FARS2: variants seen among roughly 807,000 people sequenced by gnomAD.
The protein encoded by FARS2 is phenylalanyl-tRNA synthetase 2, mitochondrial, also known as phenylalanine--tRNA ligase, mitochondrial.
FARS2 carries 40 observed loss-of-function variants against 46.4 expected under a neutral mutation model. That is an observed-to-expected ratio of 0.86 (90% CI 0.67 to 1.12). The LOEUF is 1.12. Ranked by LOEUF, FARS2 falls within the 50% of genes most tolerant of loss-of-function variation. The probability of loss-of-function intolerance (pLI) is 0.00; values close to 1 mark genes in which losing one functional copy is unlikely to be tolerated. For synonymous variants in FARS2, 234 were observed against 214.9 expected, an observed-to-expected ratio of 1.09 and a Z score of -0.78; for missense variants, 513 against 567.9, an observed-to-expected ratio of 0.90 and a Z score of 0.98.
chr6:5,268,851 C>T (rs557020137), intron 1 of FARS2, among the ~76,000 whole-genome samples: 100 of 152,184 alleles, frequency 6.6e-4, no homozygotes, highest in African/African-American at 2.3e-3. Flanking sequence ...AATGTTCTTC[C>T]ATTTGTTTGT....
intron 6 of FARS2, among the ~76,000 whole-genome samples, chr6:5,689,639 T>C (rs896271892): frequency 2.6e-5 from 4 of 152,050 alleles, no homozygotes; most frequent in Non-Finnish European, 1.5e-5. Context: ...AATTTTGGAA[T>C]AGGTGTGGTG....
intron 4 of FARS2, among the ~76,000 whole-genome samples, chr6:5,495,340 ATTGT>A (rs1400827867): frequency 3.9e-5 from 6 of 152,024 alleles, no homozygotes; most frequent in Non-Finnish European, 8.8e-5. Context: ...CTCAAACTTT[ATTGT>A]TTTTCTCTGT....
intron 4 of FARS2, among the ~76,000 whole-genome samples, chr6:5,495,685 T>C (rs1767418827): frequency 6.6e-6 from 1 of 152,240 alleles, no homozygotes; most frequent in African/African-American, 2.4e-5. Flanking sequence ...TATCCAAAAT[T>C]AAACCAGTAA....
chr6:5,648,386 C>T (rs1777180875), intron 6 of FARS2, among the ~76,000 whole-genome samples: 2 of 152,164 alleles, frequency 1.3e-5, no homozygotes, highest in South Asian at 4.1e-4. Context: ...CGTCTGTGAC[C>T]CCATCAACTC....
chr6:5,497,791 A>T (rs1035152829), intron 4 of FARS2, among the ~76,000 whole-genome samples: 4 of 152,214 alleles, frequency 2.6e-5, no homozygotes, highest in African/African-American at 9.6e-5. Context: ...GTTTATTTTT[A>T]AAATGTAATC....
rs568260733 is a variant in FARS2 at position 5,414,562 on chromosome 6, A to C, written c.772+9861A>C. Among the ~76,000 whole-genome samples, 8 of 152,306 alleles carry C rather than the reference A, an allele frequency of 5.3e-5. No individual in the cohort carries two copies. In the East Asian group the frequency reaches 1.5e-3, roughly 29 times the overall value. On this transcript the variant is annotated intron_variant, in intron 3 of 6. Transcript: ENST00000274680. The stretch of plus-strand genomic sequence containing the variant: ...ACTCAGCATAATTATTTTGAGATTC[A>C]TGCATTTTGTAGCGTGTTATCAATA...
intron 5 of FARS2, among the ~76,000 whole-genome samples, chr6:5,582,611 G>T (rs570761356): frequency 6.6e-6 from 1 of 152,292 alleles, no homozygotes; most frequent in Admixed American, 6.5e-5. Flanking sequence ...AAAATTTCAT[G>T]TAGTTCATGC....
chr6:5,531,060 A>G (rs1769796197), intron 4 of FARS2, among the ~76,000 whole-genome samples: 1 of 152,104 alleles, frequency 6.6e-6, no homozygotes, highest in Non-Finnish European at 1.5e-5. Context: ...TTCTTGAGTG[A>G]TAGCATCTGA....
At chr6:5,629,110 A>C (rs1776171837) in intron 6 of FARS2, among the ~76,000 whole-genome samples, 1 of 152,218 alleles carries the variant, frequency 6.6e-6, no homozygotes, top group Non-Finnish European at 1.5e-5. Context: ...CAGGGATCAC[A>C]GGATGTCCCA....
At chr6:5,259,309 T>C (rs757961500), upstream of FARS2, among the ~76,000 whole-genome samples, 5 of 152,214 alleles carry the variant, frequency 3.3e-5, no homozygotes, top group Non-Finnish European at 7.3e-5. Context: ...CTTGGTTAAG[T>C]ACTTGGTGCT....
intron 6 of FARS2, among the ~76,000 whole-genome samples, chr6:5,762,756 A>G (rs756511582): frequency 1.9e-4 from 29 of 152,272 alleles, no homozygotes; most frequent in Non-Finnish European, 2.9e-4. Context: ...GTCTTTCCCA[A>G]GGCAGTAACT....
chr6:5,477,014 A>ACTACTTTT, intron 4 of FARS2, among the ~76,000 whole-genome samples: 1 of 152,170 alleles, frequency 6.6e-6, no homozygotes, highest in Non-Finnish European at 1.5e-5. Flanking sequence ...ATCAGAAGAA[A>ACTACTTTT]ATATCCCTCT....
chr6:5,502,542 A>T (rs113102559), intron 4 of FARS2, among the ~76,000 whole-genome samples: 3,732 of 152,344 alleles, frequency 0.024, 78 homozygotes, highest in Non-Finnish European at 0.038. Context: ...TTCACATAAA[A>T]GTCAGAACAG....
At chr6:5,572,523 A>C (rs1379090705) in intron 5 of FARS2, among the ~76,000 whole-genome samples, 2 of 152,130 alleles carry the variant, frequency 1.3e-5, no homozygotes, top group East Asian at 3.8e-4. Flanking sequence ...AATAGTAAGA[A>C]AGAGATCGAT....
chr6:5,278,966 GTC>G (rs1428927587), intron 1 of FARS2, among the ~76,000 whole-genome samples: 2 of 152,202 alleles, frequency 1.3e-5, no homozygotes, highest in African/African-American at 4.8e-5. Flanking sequence ...TGGCCCTACT[GTC>G]CATACTGTTC....
In FARS2 at chr6:5,539,713, AT is replaced by A. The variant is rs537340455; in HGVS notation, c.905-5465del. On this transcript the variant is annotated intron_variant, in intron 4 of 6. Transcript: ENST00000274680. Reference sequence around the variant, plus strand: ...ATTAATGACTTTAATTTTAAGACTCATTGATGTTAAGCCATTCTGTATGGCA... The same window carrying A: ...ATTAATGACTTTAATTTTAAGACTCATGATGTTAAGCCATTCTGTATGGCA... Among the ~76,000 whole-genome samples the A allele has an allele frequency of 5.3e-5, 8 of 152,248 alleles. No homozygotes were observed. In the South Asian group the frequency reaches 1.5e-3, roughly 28 times the overall value.
chr6:5,551,953 T>G lies in FARS2; in HGVS notation c.1065+6613T>G, dbSNP rs142325887. The stretch of plus-strand genomic sequence containing the variant: ...AATCACCTCATCTGAACATCCTTCC[T>G]TAATTATATCTATAAAGATCTTAAT... On this transcript the variant is annotated intron_variant, in intron 5 of 6. Transcript: ENST00000274680. Among the ~76,000 whole-genome samples, 644 of 152,354 alleles carry G rather than the reference T, an allele frequency of 4.2e-3. 17 individuals carry two copies. Among genetic ancestry groups the G allele is most frequent in the Admixed American group, 0.039 (592 of 15,312 alleles).
chr6:5,694,850 A>T (rs1757996202), intron 6 of FARS2: 1 of 151,796 alleles, frequency 6.6e-6, no homozygotes, highest in Non-Finnish European at 1.5e-5. Flanking sequence ...CTACAAAAAA[A>T]AAAAAAATTA....
intron 4 of FARS2, among the ~76,000 whole-genome samples, chr6:5,460,755 G>A (rs746681046): frequency 5.3e-5 from 8 of 152,134 alleles, no homozygotes; most frequent in Non-Finnish European, 1.0e-4. Context: ...CCAGGAGAAC[G>A]AGCCAAGCTG....
Sources: allele counts gnomAD v4.1 joint callset (sites outside exome capture counted in the v4.1 genomes callset), GRCh38; gene constraint gnomAD v4.1.1; transcripts MANE v1.5; gene names NCBI Gene and HGNC (gene_info 2026-07-23, HGNC 2026-07-21).